Variants in ZNF423 observed in about 807,000 individuals in gnomAD.
ZNF423 encodes the protein zinc finger protein 423.
ZNF423 carries 12 observed loss-of-function variants against 95.8 expected under a neutral mutation model. The observed-to-expected ratio is 0.13, with a 90% CI of 0.08 to 0.20. ZNF423 has a LOEUF of 0.20. Among genes scored for constraint, ZNF423 ranks in the 10% least tolerant of loss-of-function variants. ZNF423 has a pLI of 1.00. For synonymous variants in ZNF423, 749 were observed against 711.9 expected, an observed-to-expected ratio of 1.05 and a Z score of -0.83; for missense variants, 1,316 against 1,737.1, an observed-to-expected ratio of 0.76 and a Z score of 4.31.
At chr16:49,686,046 T>G (rs2031551490) in intron 3 of ZNF423, among the ~76,000 whole-genome samples, 1 of 152,170 alleles carries the variant, frequency 6.6e-6, no homozygotes, top group African/African-American at 2.4e-5. Flanking sequence ...TTCTCTCTCA[T>G]GCCCCATGCT....
chr16:49,568,631 T>G (rs1970267492), intron 5 of ZNF423, among the ~76,000 whole-genome samples: 1 of 152,150 alleles, frequency 6.6e-6, no homozygotes. Flanking sequence ...CCCCACAGTA[T>G]TAGTACATCG....
chr16:49,626,344 T>A lies in ZNF423; in HGVS notation c.3517-90A>T. 3 of 1,235,544 alleles carry A rather than the reference T, an allele frequency of 2.4e-6. No homozygotes were observed. The Admixed American group carries it at 5.2e-5, about 22-fold the overall frequency. The allele number at this position is 1,235,544 out of a possible 1,614,324, so 76.5% of individuals were successfully genotyped here. A position where few individuals can be genotyped will look rare whatever the true frequency, so the allele number is the denominator to read the frequency against. The stretch of plus-strand genomic sequence containing the variant: ...GTTCCTAGGGGGCCTGGGTCAAGAC[T>A]TTCCAGAATGGTTCCAGTCCCCTCC... On this transcript the variant is annotated intron_variant, in intron 4 of 7. Transcript: ENST00000563137.
intron 2 of ZNF423, among the ~76,000 whole-genome samples, chr16:49,745,965 C>T (rs1187986190): frequency 6.6e-6 from 1 of 152,156 alleles, no homozygotes; most frequent in African/African-American, 2.4e-5. Flanking sequence ...CCAACACCAG[C>T]TTACTCAGGG....
rs572818791 is a variant in ZNF423 at position 49,631,156 on chromosome 16, TCAC to T, written c.3516+4501_3516+4503del. Among the ~76,000 whole-genome samples the T allele has an allele frequency of 8.5e-5, 13 of 152,076 alleles. 1 individual carries two copies. The highest frequency in any genetic ancestry group is 2.7e-4 in the African/African-American group (11 of 41,464). On this transcript the variant is annotated intron_variant, in intron 4 of 7. Coordinates refer to ENST00000563137, the MANE Select transcript of ZNF423 (RefSeq NM_001379286.1). ...TCCAGAGACCCTGCCTTCAGCTCAC[TCAC>T]CACAACCCCAGTACACACACCGGTA...
chr16:49,818,843 T>C (rs1262992201), intron 1 of ZNF423, among the ~76,000 whole-genome samples: 2 of 152,180 alleles, frequency 1.3e-5, no homozygotes, highest in South Asian at 2.1e-4. Flanking sequence ...GCTGTAACCA[T>C]GCCAGTGTAC....
intron 5 of ZNF423, among the ~76,000 whole-genome samples, chr16:49,613,617 T>C (rs1446589138): frequency 2.0e-5 from 3 of 152,304 alleles, no homozygotes; most frequent in South Asian, 4.1e-4. Context: ...GGCAGGAGGA[T>C]TGCTTGAGCC....
At chr16:49,632,110 C>T (rs969522702) in intron 4 of ZNF423, among the ~76,000 whole-genome samples, 1 of 152,180 alleles carries the variant, frequency 6.6e-6, no homozygotes, top group Admixed American at 6.5e-5. Flanking sequence ...CCGTGGGGAT[C>T]TGCAGGATCA....
At chr16:49,623,271 C>G (rs887475861) in intron 5 of ZNF423, among the ~76,000 whole-genome samples, 1 of 152,204 alleles carries the variant, frequency 6.6e-6, no homozygotes, top group Non-Finnish European at 1.5e-5. Context: ...TCCAGCCCCC[C>G]AGCCAAGGCG....
intron 1 of ZNF423, chr16:49,854,941 G>C (rs921489961): frequency 3.0e-6 from 3 of 984,974 alleles, no homozygotes; most frequent in African/African-American, 1.7e-5. Flanking sequence ...CAGATCCAGG[G>C]TGCCGGTGCC....
intron 7 of ZNF423, among the ~76,000 whole-genome samples, chr16:49,508,874 A>G: frequency 6.6e-6 from 1 of 152,380 alleles, no homozygotes. Context: ...AAGATGCTCC[A>G]GTATTTTATG....
At chr16:49,805,445 T>A (rs1285331936) in intron 1 of ZNF423, among the ~76,000 whole-genome samples, 2 of 152,116 alleles carry the variant, frequency 1.3e-5, no homozygotes, top group Non-Finnish European at 2.9e-5. Context: ...GTGGACCAAA[T>A]TATGGAAGCA....
chr16:49,591,729 T>A (rs1219427925), intron 5 of ZNF423, among the ~76,000 whole-genome samples: 2 of 152,152 alleles, frequency 1.3e-5, no homozygotes. Flanking sequence ...GCATTAAAAC[T>A]GCATTGGAAA....
intron 3 of ZNF423, among the ~76,000 whole-genome samples, chr16:49,728,451 C>T (rs1003800545): frequency 1.1e-4 from 16 of 152,160 alleles, no homozygotes; most frequent in African/African-American, 3.9e-4. Context: ...TGCGTCCCCA[C>T]GGAGGTCATT....
At chr16:49,745,498 A>G (rs2033502700) in intron 2 of ZNF423, among the ~76,000 whole-genome samples, 2 of 152,266 alleles carry the variant, frequency 1.3e-5, no homozygotes. Flanking sequence ...GCATCTGATC[A>G]GAAACATGGG....
intron 3 of ZNF423, among the ~76,000 whole-genome samples, chr16:49,729,703 T>C (rs1177075706): frequency 6.6e-6 from 1 of 150,900 alleles, no homozygotes; most frequent in African/African-American, 2.4e-5. Context: ...TATCTGTTCC[T>C]CCAGAGGTTG....
intron 5 of ZNF423, among the ~76,000 whole-genome samples, chr16:49,547,591 T>A (rs568412485): frequency 1.3e-5 from 2 of 152,268 alleles, no homozygotes; most frequent in African/African-American, 4.8e-5. Flanking sequence ...CTGGGTCAGC[T>A]CCACAGTGGT....
intron 1 of ZNF423, among the ~76,000 whole-genome samples, chr16:49,838,370 GT>G (rs1184595458): frequency 2.0e-5 from 3 of 152,200 alleles, no homozygotes; most frequent in African/African-American, 7.2e-5. Context: ...TACACATCAC[GT>G]ACCTATTTCA....
chr16:49,793,247 C>A (rs1401180668), intron 1 of ZNF423, among the ~76,000 whole-genome samples: 1 of 152,132 alleles, frequency 6.6e-6, no homozygotes, highest in Non-Finnish European at 1.5e-5. Flanking sequence ...GGAAGGAGGG[C>A]CCGTCTGCAA....
intron 2 of ZNF423, among the ~76,000 whole-genome samples, chr16:49,738,622 G>C (rs559806010): frequency 4.9e-4 from 74 of 152,268 alleles, no homozygotes; most frequent in Non-Finnish European, 8.5e-4. Context: ...GGGGAGGCCA[G>C]AGCAGGGATG....
Sources: gnomAD v4.1 joint callset for allele counts (sites outside exome capture counted in the v4.1 genomes callset) on GRCh38, gnomAD v4.1.1 for gene constraint, MANE v1.5 for transcripts, NCBI Gene and HGNC (gene_info 2026-07-23, HGNC 2026-07-21) for gene names.